Variants in USP4 observed in about 807,000 individuals in gnomAD.
USP4 encodes ubiquitin carboxyl-terminal hydrolase 4.
In USP4, 72 loss-of-function variants were observed where a neutral mutation model predicts 118.2. The ratio of observed to expected loss-of-function variants is 0.61; its 90% CI spans 0.50 to 0.74. The LOEUF is 0.74. USP4 is among the 30% of genes least tolerant of loss of function. The probability of loss-of-function intolerance (pLI) is 0.00; values close to 1 mark genes in which losing one functional copy is unlikely to be tolerated. For missense variants in USP4, 1,037 were observed against 1,185.7 expected (o/e 0.87, Z 1.84); for synonymous variants, 415 against 440.4 (o/e 0.94, Z 0.72).
At position 49,324,933 on chromosome 3, in the gene USP4, T is replaced by C. The variant is rs1386567061; in HGVS notation, c.594A>G (p.Leu198=). The C allele has an allele frequency of 6.2e-7, 1 of 1,614,206 alleles. No individual in the cohort carries two copies. Among genetic ancestry groups the C allele is most frequent in the Middle Eastern group, 1.6e-4 (1 of 6,062 alleles). The change falls in exon 5 of 22, where the codon CTA becomes CTG. Residue 198 remains leucine, a synonymous_variant. Transcript: ENST00000265560. ...MSNTYEQLSK[L]DNTVQDAGLY... is the part of the protein sequence containing the mutation. ...GCCCAGCATCCTGGACAGTGTTGTC[T>C]AGCTTGCTCAACTGCTCGTAGGTGT...
chr3:49,283,203 A>G (rs935857423), intron 19 of USP4, among the ~76,000 whole-genome samples: 1 of 150,630 alleles, frequency 6.6e-6, no homozygotes, highest in Non-Finnish European at 1.5e-5. Context: ...TTTAGTAGAG[A>G]TGGGGTTTCA....
At position 49,327,733 on chromosome 3, in the gene USP4, G is replaced by A. The variant is rs143074429; in HGVS notation, c.313C>T (p.Leu105=). The A allele has an allele frequency of 1.2e-6, 2 of 1,613,990 alleles. No homozygotes were observed. Among genetic ancestry groups the A allele is most frequent in the Non-Finnish European group, 1.7e-6 (2 of 1,180,012 alleles). The change falls in exon 3 of 22, where the codon CTA becomes TTA. Residue 105 remains leucine (L), a synonymous_variant. Coordinates refer to ENST00000265560, the MANE Select transcript of USP4 (RefSeq NM_003363.4). ...LVPTEAWNKL[L]NWYGCVEGQQ... is the part of the protein sequence containing the mutation. ...CCTTCTACACAGCCGTACCAGTTTA[G>A]TAGTTTATTCCACGCCTCGGTAGGG...
chr3:49,315,067 A>G (rs891677903), intron 6 of USP4, among the ~76,000 whole-genome samples: 1 of 152,030 alleles, frequency 6.6e-6, no homozygotes, highest in Non-Finnish European at 1.5e-5. Flanking sequence ...ATATAAGGAT[A>G]CTTTTTATAT....
intron 2 of USP4, among the ~76,000 whole-genome samples, chr3:49,335,232 G>T (rs1312726519): frequency 6.6e-6 from 1 of 152,276 alleles, no homozygotes; most frequent in Middle Eastern, 3.4e-3. Context: ...AATTTGCAAA[G>T]AGAGAAAGTT....
At chr3:49,278,529 A>T in intron 21 of USP4, 78 bp from the exon 22 acceptor site, 4 of 1,528,290 alleles carry the variant, frequency 2.6e-6, no homozygotes, top group Non-Finnish European at 3.5e-6. Flanking sequence ...CTAGCTGTCC[A>T]AAACCCTCAA....
intron 2 of USP4, among the ~76,000 whole-genome samples, chr3:49,331,599 C>A (rs772138790): frequency 6.6e-6 from 1 of 152,008 alleles, no homozygotes; most frequent in Non-Finnish European, 1.5e-5. Flanking sequence ...CCAGCCTGGG[C>A]GACACAGCGA....
intron 6 of USP4, 158 bp from the exon 7 acceptor site, chr3:49,311,812 TTAAG>T (rs2047385737): frequency 2.2e-6 from 3 of 1,345,828 alleles, no homozygotes; most frequent in African/African-American, 1.5e-5. Flanking sequence ...TAAACTTTAT[TTAAG>T]TGAGAGTCCA....
intron 15 of USP4, among the ~76,000 whole-genome samples, chr3:49,290,088 T>C (rs2047137228): frequency 6.6e-6 from 1 of 151,990 alleles, no homozygotes; most frequent in African/African-American, 2.4e-5. Context: ...CGCCACTGTA[T>C]TCCAGCCATA....
chr3:49,278,905 G>A lies in USP4; in HGVS notation c.2645-3C>T. On this transcript the variant is annotated splice_region_variant and splice_polypyrimidine_tract_variant and intron_variant, in intron 20 of 21. Coordinates refer to ENST00000265560, the MANE Select transcript of USP4 (RefSeq NM_003363.4). ...TTTGTTCTTCGCATATGCAGTGTCT[G>A]CCAAGTCAACAAAGAAAATACTCTA... 6.2e-7 allele frequency: 1 copy of A among 1,601,404 alleles called. No homozygotes were observed. The highest frequency in any genetic ancestry group is 2.2e-5 in the East Asian group (1 of 44,448).
At chr3:49,278,482 G>A (rs751831208) in intron 21 of USP4, 31 bp from the exon 22 acceptor site, 1 of 1,601,686 alleles carries the variant, frequency 6.2e-7, no homozygotes. Flanking sequence ...AGACCATTCA[G>A]TGCTTGGAAA....
At position 49,277,218 on chromosome 3, in the gene USP4, TCATCGCATGCGCGTGCCCCGCG is replaced by T; in HGVS notation, c.*1053_*1074del. On this transcript the variant is annotated 3_prime_UTR_variant, in exon 22 of 22. Coordinates refer to ENST00000265560, the MANE Select transcript of USP4 (RefSeq NM_003363.4). Reference sequence around the variant, plus strand: ...GCAGTGACGCCGACCCATCCAACGGTCATCGCATGCGCGTGCCCCGCGCAGGCCCCAAACCCCCACGGATTAG... The same window carrying T: ...GCAGTGACGCCGACCCATCCAACGGTCAGGCCCCAAACCCCCACGGATTAG... 1 of 1,328,550 alleles carries T rather than the reference TCATCGCATGCGCGTGCCCCGCG, an allele frequency of 7.5e-7. No homozygotes were observed. Among genetic ancestry groups the T allele is most frequent in the Non-Finnish European group, 9.9e-7 (1 of 1,014,608 alleles). 82.3% of individuals were successfully genotyped at this position (1,328,550 alleles called of 1,614,324 possible).
chr3:49,316,670 A>G, intron 6 of USP4: 1 of 182,308 alleles, frequency 5.5e-6, no homozygotes, highest in Admixed American at 5.6e-5. Context: ...TACAAAGATA[A>G]TCTTTATTGA....
intron 6 of USP4, chr3:49,317,251 T>G: frequency 1.3e-6 from 2 of 1,542,228 alleles, no homozygotes; most frequent in Non-Finnish European, 1.8e-6. Context: ...AGAGGCAATC[T>G]TGCGTGCCAG....
In USP4 at chr3:49,311,526, C is replaced by T; in HGVS notation, c.824G>A (p.Gly275Asp). ...GACCTGCTCTTACCCCCTGCTGACA[C>T]CGGAACTGTGCATCCCACAGGTGCT... ...STSTCGMHSS[G>D]VSRGGSGFSA... The change falls in exon 7 of 22, where the codon GGT becomes GAT. Residue 275 changes from glycine (G) to aspartate (D), a missense_variant. Physicochemically the swap from Gly to Asp is moderately conservative, Grantham distance 94. This residue lies in a region of USP4 where 487 missense variants were observed against 534.1 expected (regional missense o/e 0.91). Transcript: ENST00000265560. 2.5e-6 allele frequency: 4 copies of T among 1,613,626 alleles called. No homozygotes were observed. Among genetic ancestry groups the T allele is most frequent in the Non-Finnish European group, 3.4e-6 (4 of 1,179,708 alleles).
intron 2 of USP4, among the ~76,000 whole-genome samples, chr3:49,333,144 C>CTTT (rs376262745): frequency 7.2e-6 from 1 of 138,816 alleles, no homozygotes; most frequent in South Asian, 2.3e-4. Flanking sequence ...TAGAGTAGCA[C>CTTT]TTTTTTTTTT....
intron 2 of USP4, among the ~76,000 whole-genome samples, chr3:49,334,728 G>T (rs1303191131): frequency 1.3e-5 from 2 of 152,100 alleles, no homozygotes; most frequent in South Asian, 4.1e-4. Context: ...TGTTGGCCAG[G>T]CTGGTCTCGA....
chr3:49,332,350 C>T lies in USP4; in HGVS notation c.229+3119G>A, dbSNP rs537943422. Among the ~76,000 whole-genome samples, 17 of 151,550 alleles carry T rather than the reference C, an allele frequency of 1.1e-4. No homozygotes were observed. In the South Asian group the frequency reaches 3.6e-3, roughly 32 times the overall value. On this transcript the variant is annotated intron_variant, in intron 2 of 21. Transcript: ENST00000265560. ...GCAAGCAACTGTAGTCCTAGCTACTCAGGAGGCTGAGGTGGGAGGATCACT... is the reference window on the plus strand; with the variant it reads ...GCAAGCAACTGTAGTCCTAGCTACTTAGGAGGCTGAGGTGGGAGGATCACT...
chr3:49,324,671 G>C (rs1252646805), intron 6 of USP4, 31 bp downstream of exon 6: 1 of 1,599,948 alleles, frequency 6.3e-7, no homozygotes, highest in Non-Finnish European at 8.6e-7. Context: ...GCACATGTGA[G>C]CCTACAACAA....
At chr3:49,332,999 C>T (rs1039353619) in intron 2 of USP4, among the ~76,000 whole-genome samples, 3 of 145,908 alleles carry the variant, frequency 2.1e-5, no homozygotes, top group Admixed American at 7.0e-5. Flanking sequence ...TGCTACTGCA[C>T]GAGGTAGCAG....
Sources: allele counts gnomAD v4.1 joint callset (sites outside exome capture counted in the v4.1 genomes callset), GRCh38; gene constraint gnomAD v4.1.1; regional missense constraint gnomAD v4.1.1; transcripts MANE v1.5; gene names NCBI Gene and HGNC (gene_info 2026-07-23, HGNC 2026-07-21).